The following ADAMTS10 variants were observed in gnomAD, a reference collection of about 807,000 sequenced individuals.
The protein encoded by ADAMTS10 is A disintegrin and metalloproteinase with thrombospondin motifs 10.
ADAMTS10 carries 48 observed loss-of-function variants against 135.9 expected under a neutral mutation model. The ratio of observed to expected loss-of-function variants is 0.35; its 90% CI spans 0.28 to 0.45. ADAMTS10 has a LOEUF of 0.45. Among genes scored for constraint, ADAMTS10 ranks in the 20% least tolerant of loss-of-function variants. The pLI is 1.00. For synonymous variants in ADAMTS10, 621 were observed against 647.5 expected (o/e 0.96, Z 0.62); for missense variants, 1,131 against 1,565.2 (o/e 0.72, Z 4.68).
intron 5 of ADAMTS10, among the ~76,000 whole-genome samples, chr19:8,602,044 G>C (rs782113270): frequency 3.3e-5 from 5 of 152,162 alleles, no homozygotes; most frequent in African/African-American, 1.2e-4. Context: ...CTTGGACAAC[G>C]TGTTGTCCTT....
At chr19:8,591,740 T>A in intron 15 of ADAMTS10, 60 bp downstream of exon 15, 3 of 1,600,924 alleles carry the variant, frequency 1.9e-6, no homozygotes, top group Non-Finnish European at 2.6e-6. Flanking sequence ...GTGCCCGGCC[T>A]CTGATAGCTG....
In ADAMTS10 at chr19:8,586,505, G is replaced by A. The variant is rs782015506; in HGVS notation, c.2404-35C>T. On this transcript the variant is annotated intron_variant, in intron 20 of 25. Transcript: ENST00000597188. Reference sequence around the variant, plus strand: ...GGGGGCGGCAGCCAGTGGAAGGATCGCATGGAGTCTCTAATTCCAAAGGCT... The same window carrying A: ...GGGGGCGGCAGCCAGTGGAAGGATCACATGGAGTCTCTAATTCCAAAGGCT... The A allele has an allele frequency of 3.4e-5, 55 of 1,612,954 alleles. No individual in the cohort carries two copies. In the South Asian group the frequency reaches 5.4e-4, roughly 16 times the overall value.
rs2042533516 is a variant in ADAMTS10, at chr19:8,591,802, C to T, written c.1795G>A (p.Asp599Asn). Residue 599 changes from aspartate (D) to asparagine (N), a missense_variant and splice_region_variant, in exon 15 of 26, where the codon GAT (aspartate) becomes AAT (asparagine). By Grantham distance (23) the Asp-to-Asn change is conservative. Coordinates refer to ENST00000597188, the MANE Select transcript of ADAMTS10 (RefSeq NM_030957.4). ...ERRRHRSCNT[D>N]DCPPGSQDFR... is the part of the protein sequence containing the mutation. ...TCAAGGGGTTTGGGGGAACTCACAT[C>T]CGTGTTGCAGGAGCGGTGCCGCCTT... 6.2e-7 allele frequency: 1 copy of T among 1,613,696 alleles called. No homozygotes were observed. The highest frequency in any genetic ancestry group is 1.1e-5 in the South Asian group (1 of 91,084).
rs1555742346 is a variant in ADAMTS10, at chr19:8,605,301, T to C, written c.146A>G (p.His49Arg). 6 of 1,612,034 alleles carry C rather than the reference T, an allele frequency of 3.7e-6. No homozygotes were observed. Among genetic ancestry groups the C allele is most frequent in the Non-Finnish European group, 5.1e-6 (6 of 1,179,206 alleles). ...YEIAFPTRVD[H>R]NGALLAFSPP... ...CGAGAAGGCCAGCAGTGCCCCGTTG[T>C]GGTCCACGCGGGTGGGGAAGGCGAT... The change falls in exon 4 of 26, where the codon CAC (histidine) becomes CGC (arginine). Residue 49 changes from histidine to arginine, a missense_variant. Physicochemically the swap from His to Arg is conservative, Grantham distance 29 (BLOSUM62 0). Transcript: ENST00000597188. This position sits in a 1 kb window ranked among gnomAD's most constrained non-coding sequence, Gnocchi z 7.7.
rs2042717787 is a variant in ADAMTS10, at chr19:8,605,949, C to G, written c.-99-140G>C. ...TTCTCACTCAGTCACTCCCCTCTCC[C>G]CACCTCCCCTTCCAATCCTTCCTAC... On this transcript the variant is annotated intron_variant, in intron 2 of 25. Coordinates refer to ENST00000597188, the MANE Select transcript of ADAMTS10 (RefSeq NM_030957.4). This position sits in a 1 kb window ranked among gnomAD's most constrained non-coding sequence, Gnocchi z 7.7. 2.5e-6 allele frequency: 2 copies of G among 804,040 alleles called. No individual in the cohort carries two copies. The highest frequency in any genetic ancestry group is 2.7e-5 in the East Asian group (1 of 36,502). 49.8% of individuals were successfully genotyped at this position (804,040 alleles called of 1,614,324 possible). A position where few individuals can be genotyped will look rare whatever the true frequency, so the allele number is the denominator to read the frequency against.
intron 12 of ADAMTS10, among the ~76,000 whole-genome samples, chr19:8,594,110 A>G (rs1164227605): frequency 6.6e-6 from 1 of 152,054 alleles, no homozygotes; most frequent in East Asian, 1.9e-4. Flanking sequence ...TCGCAATCCC[A>G]CTTCTGACAC....
chr19:8,581,860 C>CAAAAAAAA (rs71286209), intron 25 of ADAMTS10, among the ~76,000 whole-genome samples: 13 of 127,610 alleles, frequency 1.0e-4, no homozygotes, highest in African/African-American at 1.8e-4. Flanking sequence ...AACAAAAAAA[C>CAAAAAAAA]AAAAAAAAAA....
At chr19:8,595,215 G>A (rs2042587878) in intron 12 of ADAMTS10, among the ~76,000 whole-genome samples, 1 of 152,116 alleles carries the variant, frequency 6.6e-6, no homozygotes, top group African/African-American at 2.4e-5. Context: ...GGAGCTGGGA[G>A]TGGAACCTCC....
chr19:8,599,219 G>T (rs1194858979), intron 6 of ADAMTS10, among the ~76,000 whole-genome samples: 1 of 152,106 alleles, frequency 6.6e-6, no homozygotes, highest in Admixed American at 6.5e-5. Flanking sequence ...GGGGAGGTCA[G>T]CCTGTAGGAA....
intron 22 of ADAMTS10, among the ~76,000 whole-genome samples, 153 bp downstream of exon 22, chr19:8,585,969 C>A (rs1464768368): frequency 6.6e-6 from 1 of 152,130 alleles, no homozygotes; most frequent in African/African-American, 2.4e-5. Flanking sequence ...TGGACTCCCC[C>A]ATAACTCCTA....
intron 12 of ADAMTS10, 64 bp downstream of exon 12, chr19:8,595,698 T>TGCCTA: frequency 7.7e-7 from 1 of 1,291,948 alleles, no homozygotes; most frequent in South Asian, 1.2e-5. Flanking sequence ...CTGGTGGAGT[T>TGCCTA]CCCTCCCCCA....
Position 8,585,640 on chromosome 19 carries a change from G to A in ADAMTS10, c.2681C>T (p.Ser894Leu). 1 of 1,612,154 alleles carries A rather than the reference G, an allele frequency of 6.2e-7. No individual in the cohort carries two copies. Among genetic ancestry groups the A allele is most frequent in the Non-Finnish European group, 8.5e-7 (1 of 1,179,636 alleles). Residue 894 changes from serine to leucine, a missense_variant, in exon 23 of 26, where the codon TCG (serine) becomes TTG (leucine). Coordinates refer to ENST00000597188, the MANE Select transcript of ADAMTS10 (RefSeq NM_030957.4). ...CPPDWVVGNW[S>L]LCSRSCDAGV... ...TGCATCGCAGCTGCGGCTGCAGAGC[G>A]ACCAGTTCCCTACAACCCAGCTGTA...
chr19:8,601,128 C>T lies in ADAMTS10; in HGVS notation c.610G>A (p.Gly204Arg). ...CGVRDEKPWK[G>R]RPWWLRTLKP... ...AAGGTCCGCAGCCACCATGGCCGCCCTTTCCACGGTTTCTCATCTGGGGAA... is the reference window on the plus strand; with the variant it reads ...AAGGTCCGCAGCCACCATGGCCGCCTTTTCCACGGTTTCTCATCTGGGGAA... The change falls in exon 6 of 26, where the codon GGG becomes AGG. Residue 204 changes from glycine (G) to arginine (R), a missense_variant. Gly to Arg is a moderately radical substitution (Grantham distance 125, BLOSUM62 -2). Transcript: ENST00000597188. This position sits in a 1 kb window ranked among gnomAD's most constrained non-coding sequence, Gnocchi z 4.6. 6.2e-7 allele frequency: 1 copy of T among 1,613,756 alleles called. No homozygotes were observed. Among genetic ancestry groups the T allele is most frequent in the Non-Finnish European group, 8.5e-7 (1 of 1,180,036 alleles).
intron 12 of ADAMTS10, among the ~76,000 whole-genome samples, chr19:8,594,306 C>T (rs2042578470): frequency 2.0e-5 from 3 of 152,126 alleles, no homozygotes; most frequent in South Asian, 4.1e-4. Context: ...ATATAAATGG[C>T]TATGAGGCAC....
Position 8,586,559 on chromosome 19 carries a change from A to G in ADAMTS10, c.2402T>C (p.Met801Thr). The change falls in exon 20 of 26, where the codon ATG becomes ACG. Residue 801 changes from methionine to threonine, a missense_variant and splice_region_variant. Met to Thr is a moderately conservative substitution (Grantham distance 81). This residue lies in a region of ADAMTS10 where 745 missense variants were observed against 1,056.3 expected (regional missense o/e 0.71). Transcript: ENST00000597188. ...LGPINASLIV[M>T]VLARTELPAL... ...CCTTGCCCCCAGTCTCCCTGTTACC[A>G]TGACGATGAGAGATGCATTAATCGG... The G allele has an allele frequency of 6.2e-7, 1 of 1,613,666 alleles. No individual in the cohort carries two copies. Among genetic ancestry groups the G allele is most frequent in the African/African-American group, 1.3e-5 (1 of 75,022 alleles).
chr19:8,592,524 C>T (rs971268177), intron 13 of ADAMTS10, among the ~76,000 whole-genome samples: 1 of 150,394 alleles, frequency 6.6e-6, no homozygotes, highest in East Asian at 2.0e-4. Context: ...GCGTGGCCAA[C>T]GCGGGAGGGA....
In ADAMTS10 at chr19:8,597,258, G is replaced by A; in HGVS notation, c.870C>T (p.Arg290=). 2 of 1,614,182 alleles carry A rather than the reference G, an allele frequency of 1.2e-6. No homozygotes were observed. Among genetic ancestry groups the A allele is most frequent in the Non-Finnish European group, 1.7e-6 (2 of 1,180,034 alleles). Residue 290 remains arginine, a synonymous_variant, in exon 7 of 26, where the codon CGC becomes CGT. Transcript: ENST00000597188. ...LGSTVNILVT[R]LILLTEDQPT... ...CCTGGTCCTCCGTGAGCAGGATGAGGCGAGTTACGAGGATGTTAACGGTGC... is the reference window on the plus strand; with the variant it reads ...CCTGGTCCTCCGTGAGCAGGATGAGACGAGTTACGAGGATGTTAACGGTGC...
intron 24 of ADAMTS10, 31 bp from the exon 25 acceptor site, chr19:8,585,085 C>CCCTG: frequency 6.7e-7 from 1 of 1,502,166 alleles, no homozygotes; most frequent in Non-Finnish European, 8.9e-7. Flanking sequence ...GTTGCTGCCC[C>CCCTG]GCAGCCCCTG....
chr19:8,605,692 TCTGGCAGGCGGG>T lies in ADAMTS10; in HGVS notation c.7_18del (p.Pro3_Gln6del). On this transcript the variant is annotated inframe_deletion, in exon 3 of 26. Coordinates refer to ENST00000597188, the MANE Select transcript of ADAMTS10 (RefSeq NM_030957.4). This position sits in a 1 kb window ranked among gnomAD's most constrained non-coding sequence, Gnocchi z 7.7. ...CCCAGGGCGAGGGCCCAGCGGAGGATCTGGCAGGCGGGAGCCATAGAGGCCACGTGTCCACAT... is the reference window on the plus strand; with the variant it reads ...CCCAGGGCGAGGGCCCAGCGGAGGATAGCCATAGAGGCCACGTGTCCACAT... The T allele has an allele frequency of 6.2e-7, 1 of 1,611,120 alleles. No homozygotes were observed. The highest frequency in any genetic ancestry group is 1.7e-5 in the Admixed American group (1 of 59,892).
Sources: gnomAD v4.1 joint callset for allele counts (sites outside exome capture counted in the v4.1 genomes callset) on GRCh38, gnomAD v4.1.1 for gene constraint, gnomAD v4.1.1 regional missense constraint, Gnocchi (gnomAD v3.1) non-coding constraint, MANE v1.5 for transcripts, NCBI Gene and HGNC (gene_info 2026-07-23, HGNC 2026-07-21) for gene names.